Variants in ADGRV1 observed in about 807,000 individuals in gnomAD.
ADGRV1 encodes G-protein coupled receptor 98.
A neutral mutation model predicts 596.2 loss-of-function variants in ADGRV1; 359 were observed. The ratio of observed to expected loss-of-function variants is 0.60; its 90% confidence interval spans 0.55 to 0.66. ADGRV1 has a LOEUF of 0.66. Ranked by LOEUF, ADGRV1 falls within the 30% of genes least tolerant of loss-of-function variation. The pLI, the probability that ADGRV1 is intolerant of heterozygous loss-of-function variation, is 0.00. For missense variants in ADGRV1, 7,274 were observed against 7,575.6 expected, an observed-to-expected ratio of 0.96 and a Z score of 1.48; for synonymous variants, 2,681 against 2,679.2, an observed-to-expected ratio of 1.00 and a Z score of -0.02.
rs770299827 is a variant in ADGRV1 at position 90,672,728 on chromosome 5, C to A, written c.4929+6C>A. The A allele has an allele frequency of 1.1e-5, 17 of 1,583,198 alleles. No individual in the cohort carries two copies. The African/African-American group carries it at 2.2e-4, about 20-fold the overall frequency. ...TTCCTTGGCAGAGATCAGAGGTAAA[C>A]CCTACCTTTTTTGTTCCTTTGAAAG... On this transcript the variant is annotated splice_donor_region_variant and intron_variant, in intron 22 of 89. Transcript: ENST00000405460.
chr5:91,039,773 A>G (rs1184136975), intron 85 of ADGRV1, among the ~76,000 whole-genome samples: 2 of 152,216 alleles, frequency 1.3e-5, no homozygotes, highest in Non-Finnish European at 2.9e-5. Context: ...ATGCAGTAAT[A>G]TACATTAAAA....
chr5:90,850,521 A>G (rs542277176), intron 79 of ADGRV1, among the ~76,000 whole-genome samples: 22 of 152,322 alleles, frequency 1.4e-4, no homozygotes, highest in Admixed American at 2.6e-4. Flanking sequence ...GCACTAAGTG[A>G]GGCCACAGTA....
At chr5:90,722,009 G>C (rs1751107227) in intron 45 of ADGRV1, among the ~76,000 whole-genome samples, 1 of 152,198 alleles carries the variant, frequency 6.6e-6, no homozygotes, top group Non-Finnish European at 1.5e-5. Context: ...TTTTATAGTT[G>C]CCAGTCTTTA....
intron 34 of ADGRV1, among the ~76,000 whole-genome samples, chr5:90,701,841 C>T (rs188090323): frequency 3.3e-5 from 5 of 151,820 alleles, no homozygotes; most frequent in Non-Finnish European, 5.9e-5. Flanking sequence ...TCTAAACTTG[C>T]AACTGCAATT....
chr5:90,749,343 C>T (rs1018170898), intron 52 of ADGRV1, among the ~76,000 whole-genome samples: 1 of 152,094 alleles, frequency 6.6e-6, no homozygotes, highest in Non-Finnish European at 1.5e-5. Flanking sequence ...TTTATTAACC[C>T]TCATTGATGG....
intron 27 of ADGRV1, among the ~76,000 whole-genome samples, chr5:90,681,780 G>A (rs1744962664): frequency 6.6e-6 from 1 of 151,928 alleles, no homozygotes; most frequent in Non-Finnish European, 1.5e-5. Context: ...AAATATCAAT[G>A]GCTAGTACAA....
At chr5:90,903,174 C>T (rs571637833) in intron 83 of ADGRV1, among the ~76,000 whole-genome samples, 2 of 152,162 alleles carry the variant, frequency 1.3e-5, no homozygotes, top group South Asian at 4.1e-4. Flanking sequence ...CCTATTGGAT[C>T]ATAAGAGACT....
intron 86 of ADGRV1, among the ~76,000 whole-genome samples, chr5:91,079,114 C>T (rs937084440): frequency 7.2e-5 from 11 of 152,102 alleles, no homozygotes; most frequent in Non-Finnish European, 1.5e-4. Flanking sequence ...TGAATAGGAT[C>T]CAGAATGACC....
At position 90,802,478 on chromosome 5, in the gene ADGRV1, G is replaced by A. The variant is rs547339950; in HGVS notation, c.14518-261G>A. On this transcript the variant is annotated intron_variant, in intron 70 of 89. Transcript: ENST00000405460. ...ACTCTTGGCCTCAAGTGATCCACCC[G>A]CCTGGGCCTCCCAAAGTGCTGGGAT... Among the ~76,000 whole-genome samples the A allele has an allele frequency of 2.2e-4, 33 of 152,146 alleles. No individual in the cohort carries two copies. The South Asian group carries it at 6.0e-3, about 28-fold the overall frequency.
chr5:91,038,456 T>C (rs1448897423), intron 85 of ADGRV1, among the ~76,000 whole-genome samples: 1 of 152,204 alleles, frequency 6.6e-6, no homozygotes, highest in Non-Finnish European at 1.5e-5. Context: ...CAAGAGTTGA[T>C]AGTGCTCTGG....
At chr5:90,836,249 GA>G (rs1364347286) in intron 77 of ADGRV1, among the ~76,000 whole-genome samples, 1 of 152,110 alleles carries the variant, frequency 6.6e-6, no homozygotes, top group Non-Finnish European at 1.5e-5. Context: ...CCTGATAAAT[GA>G]AAACTTATGT....
At chr5:90,769,181 A>G (rs947509200) in intron 59 of ADGRV1, among the ~76,000 whole-genome samples, 4 of 152,160 alleles carry the variant, frequency 2.6e-5, no homozygotes. Context: ...AGCATCCACC[A>G]CTGAGATGCA....
intron 37 of ADGRV1, 61 bp from the exon 38 acceptor site, chr5:90,706,170 A>G: frequency 2.7e-6 from 4 of 1,475,804 alleles, no homozygotes; most frequent in East Asian, 2.3e-5. Flanking sequence ...AAAATTCACA[A>G]GGGGATATTA....
Position 90,853,464 on chromosome 5 carries a change from C to A in ADGRV1, c.17385C>A (p.Val5795=), listed in dbSNP as rs572908116. The A allele has an allele frequency of 1.2e-6, 2 of 1,612,814 alleles. No individual in the cohort carries two copies. Among genetic ancestry groups the A allele is most frequent in the African/African-American group, 2.7e-5 (2 of 74,874 alleles). Residue 5795 remains valine, a synonymous_variant, in exon 80 of 90, where the codon GTC becomes GTA. Coordinates refer to ENST00000405460, the MANE Select transcript of ADGRV1 (RefSeq NM_032119.4). ...CTGGGAAAAGTACATGTAAATTAGT[C>A]CAGTTTACAGAGTATAGCAGCCAAC... is the stretch of plus-strand genomic sequence containing the variant. ...IMAGKSTCKL[V]QFTEYSSQQW...
At chr5:90,675,980 T>A in intron 24 of ADGRV1, 100 bp from the exon 25 acceptor site, 1 of 893,668 alleles carries the variant, frequency 1.1e-6, no homozygotes, top group Non-Finnish European at 1.6e-6. Context: ...ATTTGGGATA[T>A]AACAAACATT....
chr5:90,731,615 G>A lies in ADGRV1; in HGVS notation c.10549+1851G>A. On this transcript the variant is annotated intron_variant, in intron 50 of 89. Coordinates refer to ENST00000405460, the MANE Select transcript of ADGRV1 (RefSeq NM_032119.4). ...TGTTTATAGCATTGAGGCCACCATT[G>A]GTAGATGAAAGTGCCAGCGACAGAG... 1.3e-5 allele frequency among the ~76,000 whole-genome samples: 2 copies of A among 152,182 alleles called. 1 individual carries two copies. The highest frequency in any genetic ancestry group is 2.9e-5 in the Non-Finnish European group (2 of 68,042).
intron 86 of ADGRV1, among the ~76,000 whole-genome samples, chr5:91,075,922 C>G (rs963466591): frequency 1.3e-5 from 2 of 152,068 alleles, no homozygotes; most frequent in African/African-American, 4.8e-5. Flanking sequence ...AATCTATTTA[C>G]TTTTTCCTAA....
Position 90,730,156 on chromosome 5 carries a change from C to T in ADGRV1, c.10549+392C>T, listed in dbSNP as rs1332659129. Among the ~76,000 whole-genome samples, 16 of 152,108 alleles carry T rather than the reference C, an allele frequency of 1.1e-4. 1 individual carries two copies. Among genetic ancestry groups the T allele is most frequent in the Non-Finnish European group, 2.2e-4 (15 of 68,016 alleles). The stretch of plus-strand genomic sequence containing the variant: ...ATAGGCGTGAGCCACCACGCCCAGC[C>T]GACTCTGGGTATTTTAATAGGAATG... On this transcript the variant is annotated intron_variant, in intron 50 of 89. Coordinates refer to ENST00000405460, the MANE Select transcript of ADGRV1 (RefSeq NM_032119.4).
In ADGRV1 at chr5:90,751,282, T is replaced by A. The variant is rs140737049; in HGVS notation, c.11121+585T>A. ...CAACTGAGTTCAGGAGATGAGCTGG[T>A]CCTTAGGAGTTGTTCCCAGTTTAGA... On this transcript the variant is annotated intron_variant, in intron 53 of 89. Transcript: ENST00000405460. Among the ~76,000 whole-genome samples, 37 of 152,272 alleles carry A rather than the reference T, an allele frequency of 2.4e-4. 1 individual carries two copies. The East Asian group carries it at 6.0e-3, about 25-fold the overall frequency.
Sources: allele counts gnomAD v4.1 joint callset (sites outside exome capture counted in the v4.1 genomes callset), GRCh38; gene constraint gnomAD v4.1.1; transcripts MANE v1.5; gene names NCBI Gene and HGNC (gene_info 2026-07-23, HGNC 2026-07-21).